RNF180: variants seen among roughly 807,000 people sequenced by gnomAD.
RNF180 encodes ring finger protein 180.
In RNF180, 38 loss-of-function variants were observed where a neutral mutation model predicts 59.2. That is an observed-to-expected ratio of 0.64 (90% confidence interval 0.50 to 0.84). The LOEUF (loss-of-function observed/expected upper bound fraction) is 0.84, where lower values mean the gene tolerates loss of function less well. RNF180 is among the 40% of genes least tolerant of loss of function. RNF180 has a pLI of 0.00. For synonymous variants in RNF180, 262 were observed against 240.3 expected (o/e 1.09, Z -0.84); for missense variants, 705 against 700.9 (o/e 1.01, Z -0.07).
intron 5 of RNF180, among the ~76,000 whole-genome samples, chr5:64,274,372 C>T (rs745472118): frequency 2.0e-5 from 3 of 151,464 alleles, no homozygotes; most frequent in Admixed American, 6.6e-5. Flanking sequence ...ATATATTTCT[C>T]GGTTATATAG....
At position 64,371,699 on chromosome 5, in the gene RNF180, T is replaced by C. The variant is rs1746662414; in HGVS notation, c.*1885T>C. ...GATTGAGTATATTTATCTTGACTAA[T>C]AACTTGATCTGAAAATTATAGAATA... On this transcript the variant is annotated 3_prime_UTR_variant, in exon 8 of 8. Coordinates refer to ENST00000389100, the MANE Select transcript of RNF180 (RefSeq NM_001113561.2). The C allele has an allele frequency of 1.3e-5, 2 of 151,596 alleles. No individual in the cohort carries two copies. The highest frequency in any genetic ancestry group is 3.0e-5 in the Non-Finnish European group (2 of 67,680). The allele number at this position is 151,596 out of a possible 1,614,324, so 9.4% of individuals were successfully genotyped here.
chr5:64,297,665 G>A (rs913392043), intron 5 of RNF180, among the ~76,000 whole-genome samples: 1 of 151,934 alleles, frequency 6.6e-6, no homozygotes, highest in Non-Finnish European at 1.5e-5. Flanking sequence ...CTTCTTAAAA[G>A]CATTTGAGAG....
At chr5:64,253,024 GA>G (rs1247905784) in intron 5 of RNF180, among the ~76,000 whole-genome samples, 1 of 151,976 alleles carries the variant, frequency 6.6e-6, no homozygotes, top group Non-Finnish European at 1.5e-5. Context: ...AAGATACAAG[GA>G]GAGAATCCTG....
intron 5 of RNF180, among the ~76,000 whole-genome samples, chr5:64,263,375 GA>G (rs1744462649): frequency 6.6e-6 from 1 of 152,276 alleles, no homozygotes; most frequent in Non-Finnish European, 1.5e-5. Flanking sequence ...TGAAATCACT[GA>G]ATGAAGAGTT....
chr5:64,188,202 G>A (rs1408613887), intron 1 of RNF180, among the ~76,000 whole-genome samples: 1 of 152,008 alleles, frequency 6.6e-6, no homozygotes, highest in African/African-American at 2.4e-5. Flanking sequence ...AAGCAGTTGT[G>A]GGTTACTGTT....
intron 5 of RNF180, among the ~76,000 whole-genome samples, chr5:64,230,465 C>A (rs1742033397): frequency 6.6e-6 from 1 of 152,214 alleles, no homozygotes; most frequent in Non-Finnish European, 1.5e-5. Flanking sequence ...TCAAAGCCAG[C>A]AGTAGCTGGT....
intron 4 of RNF180, among the ~76,000 whole-genome samples, chr5:64,215,999 T>G (rs1374436121): frequency 6.6e-6 from 1 of 152,000 alleles, no homozygotes; most frequent in Non-Finnish European, 1.5e-5. Context: ...GTTTTTTTTT[T>G]GTATAGATGA....
At chr5:64,251,572 A>G (rs978517058) in intron 5 of RNF180, among the ~76,000 whole-genome samples, 2 of 152,142 alleles carry the variant, frequency 1.3e-5, no homozygotes, top group African/African-American at 4.8e-5. Flanking sequence ...ACAAGCATGT[A>G]CCACCACACC....
At chr5:64,332,706 T>G (rs1744960488) in intron 7 of RNF180, among the ~76,000 whole-genome samples, 1 of 152,230 alleles carries the variant, frequency 6.6e-6, no homozygotes, top group African/African-American at 2.4e-5. Context: ...TAAAATATAA[T>G]TTCATCTTTT....
intron 5 of RNF180, among the ~76,000 whole-genome samples, chr5:64,249,493 G>C (rs1051484686): frequency 2.0e-4 from 30 of 152,078 alleles, no homozygotes; most frequent in Non-Finnish European, 7.4e-5. Context: ...GAGAGAGGAG[G>C]CTTTCCCAGA....
intron 5 of RNF180, among the ~76,000 whole-genome samples, chr5:64,276,374 G>GGTGTGT (rs143707598): frequency 0.12 from 17,107 of 145,354 alleles, 1,169 homozygotes; most frequent in South Asian, 0.17. Context: ...AAACCACATT[G>GGTGTGT]GTGTGTGTGT....
intron 7 of RNF180, among the ~76,000 whole-genome samples, chr5:64,352,529 G>A (rs1002694213): frequency 1.3e-5 from 2 of 151,820 alleles, no homozygotes; most frequent in Non-Finnish European, 2.9e-5. Flanking sequence ...GCTTTCTCTT[G>A]TGGGCATTTA....
Position 64,172,419 on chromosome 5 carries a change from G to T in RNF180, c.-1+6466G>T, listed in dbSNP as rs75270479. On this transcript the variant is annotated intron_variant, in intron 1 of 7. Transcript: ENST00000389100. Reference sequence around the variant, plus strand: ...AATGGGTTTAGGAACTGAATTTTTAGTGAGTTCAATAAGTTGGGATGCTAA... The same window carrying T: ...AATGGGTTTAGGAACTGAATTTTTATTGAGTTCAATAAGTTGGGATGCTAA... 1.7e-3 allele frequency among the ~76,000 whole-genome samples: 253 copies of T among 152,138 alleles called. 1 individual carries two copies. The East Asian group carries it at 0.034, about 20-fold the overall frequency.
chr5:64,214,575 G>A, intron 4 of RNF180, 58 bp downstream of exon 4: 1 of 1,468,196 alleles, frequency 6.8e-7, no homozygotes, highest in Non-Finnish European at 9.3e-7. Context: ...GGAGTTTGGG[G>A]AGTGGAGCTA....
At chr5:64,177,176 C>G (rs1750282775) in intron 1 of RNF180, among the ~76,000 whole-genome samples, 1 of 152,128 alleles carries the variant, frequency 6.6e-6, no homozygotes, top group Non-Finnish European at 1.5e-5. Flanking sequence ...GCTGTAGAGT[C>G]AGAAATAAAG....
In RNF180 at chr5:64,314,877, T is replaced by A. The variant is rs546593277; in HGVS notation, c.1228-10309T>A. Among the ~76,000 whole-genome samples the A allele has an allele frequency of 3.9e-5, 6 of 152,278 alleles. No homozygotes were observed. In the South Asian group the frequency reaches 6.2e-4, roughly 16 times the overall value. On this transcript the variant is annotated intron_variant, in intron 5 of 7. Coordinates refer to ENST00000389100, the MANE Select transcript of RNF180 (RefSeq NM_001113561.2). ...AAAGGGGATAGTAGTATAATAGCTT[T>A]TCAGAATAATTGTGGATATTTGTCT...
At chr5:64,165,395 T>C (rs1029810409), upstream of RNF180, among the ~76,000 whole-genome samples, 46 of 152,164 alleles carry the variant, frequency 3.0e-4, no homozygotes, top group Non-Finnish European at 1.5e-4. Context: ...GCAACGAAGA[T>C]AGTGATATAC....
At chr5:64,248,618 G>A (rs993901140) in intron 5 of RNF180, among the ~76,000 whole-genome samples, 1 of 152,212 alleles carries the variant, frequency 6.6e-6, no homozygotes, top group Non-Finnish European at 1.5e-5. Flanking sequence ...AGATTCTGGA[G>A]AGGTTGTGGA....
intron 5 of RNF180, among the ~76,000 whole-genome samples, chr5:64,271,898 G>A (rs929184797): frequency 5.9e-5 from 9 of 151,900 alleles, no homozygotes; most frequent in South Asian, 2.1e-4. Context: ...GTTTATGCAC[G>A]TTTCCCACCT....
Sources: allele counts gnomAD v4.1 joint callset (sites outside exome capture counted in the v4.1 genomes callset), GRCh38; gene constraint gnomAD v4.1.1; transcripts MANE v1.5; gene names NCBI Gene and HGNC (gene_info 2026-07-23, HGNC 2026-07-21).